Variants in MDN1 observed in about 807,000 individuals in gnomAD.
The protein encoded by MDN1 is midasin AAA ATPase 1, also known as midasin.
A neutral mutation model predicts 669.2 loss-of-function variants in MDN1; 266 were observed. The observed-to-expected ratio is 0.40, with a 90% CI of 0.36 to 0.44. MDN1 has a LOEUF of 0.44. Among genes scored for constraint, MDN1 ranks in the 20% least tolerant of loss-of-function variants. The pLI is 1.00. For synonymous variants in MDN1, 2,385 were observed against 2,457.1 expected (o/e 0.97, Z 0.87); for missense variants, 5,940 against 6,754.0 (o/e 0.88, Z 4.22).
intron 53 of MDN1, among the ~76,000 whole-genome samples, chr6:89,705,263 GT>G (rs539167817): frequency 2.1e-4 from 32 of 151,922 alleles, no homozygotes; most frequent in East Asian, 7.7e-4. Flanking sequence ...AAATTTATGG[GT>G]TTTTTTTATG....
intron 2 of MDN1, 57 bp from the exon 3 acceptor site, chr6:89,794,858 T>G: frequency 6.9e-7 from 1 of 1,453,018 alleles, no homozygotes; most frequent in Non-Finnish European, 9.6e-7. Context: ...ACTTAATTTT[T>G]CTGCTTTGTA....
intron 43 of MDN1, 122 bp from the exon 44 acceptor site, chr6:89,716,931 T>C (rs541545738): frequency 4.2e-4 from 466 of 1,105,866 alleles, no homozygotes; most frequent in Non-Finnish European, 5.5e-4. Flanking sequence ...AAAGAATAAA[T>C]AGAAGAATGT....
intron 13 of MDN1, 151 bp from the exon 14 acceptor site, chr6:89,772,872 AC>A (rs1818175318): frequency 1.2e-6 from 1 of 836,864 alleles, no homozygotes; most frequent in Non-Finnish European, 1.8e-6. Flanking sequence ...CTTACAACAT[AC>A]AAAAATTACA....
chr6:89,766,827 C>T (rs1341790955), intron 15 of MDN1, among the ~76,000 whole-genome samples: 1 of 152,184 alleles, frequency 6.6e-6, no homozygotes, highest in African/African-American at 2.4e-5. Context: ...CTCTTCTGGG[C>T]AGTTTCTTTT....
chr6:89,802,811 CTT>C (rs1222005085), intron 2 of MDN1, among the ~76,000 whole-genome samples: 3 of 152,300 alleles, frequency 2.0e-5, no homozygotes, highest in African/African-American at 7.2e-5. Context: ...TTTGCTGTCT[CTT>C]TTGATTATTC....
intron 60 of MDN1, among the ~76,000 whole-genome samples, 163 bp from the exon 61 acceptor site, chr6:89,696,155 A>G (rs1211677055): frequency 1.3e-5 from 2 of 152,084 alleles, no homozygotes; most frequent in African/African-American, 4.8e-5. Flanking sequence ...TACTAAGTTC[A>G]CCCTCTTGAT....
intron 12 of MDN1, among the ~76,000 whole-genome samples, chr6:89,775,712 G>A (rs983783720): frequency 6.6e-6 from 1 of 152,138 alleles, no homozygotes; most frequent in Non-Finnish European, 1.5e-5. Flanking sequence ...CAGAGAAAGA[G>A]TCTGGATCTG....
intron 35 of MDN1, 99 bp from the exon 36 acceptor site, chr6:89,729,238 A>T: frequency 1.1e-6 from 1 of 875,770 alleles, no homozygotes; most frequent in Non-Finnish European, 1.7e-6. Context: ...ATGGGTTATC[A>T]GTTAGTGAAA....
At position 89,748,055 on chromosome 6, in the gene MDN1, A is replaced by G. The variant is rs147187398; in HGVS notation, c.3763-585T>C. On this transcript the variant is annotated intron_variant, in intron 26 of 101. Coordinates refer to ENST00000369393, the MANE Select transcript of MDN1 (RefSeq NM_014611.3). The stretch of plus-strand genomic sequence containing the variant: ...GATTAATAGTAATGCAAATGGGCGC[A>G]GTGGCTCACACCTGTAATCCCAGCA... 4.8e-4 allele frequency among the ~76,000 whole-genome samples: 72 copies of G among 150,928 alleles called. No homozygotes were observed. In the East Asian group the frequency reaches 6.4e-3, roughly 13 times the overall value.
At chr6:89,809,611 A>C (rs1433925358) in intron 1 of MDN1, among the ~76,000 whole-genome samples, 1 of 151,796 alleles carries the variant, frequency 6.6e-6, no homozygotes, top group Non-Finnish European at 1.5e-5. Context: ...CCCCATCTCT[A>C]CTAAAGGCAC....
At chr6:89,659,981 G>A (rs886256006) in intron 88 of MDN1, among the ~76,000 whole-genome samples, 17 of 152,028 alleles carry the variant, frequency 1.1e-4, no homozygotes, top group Admixed American at 5.9e-4. Flanking sequence ...TCTGCCTCCC[G>A]GGTTCAAGCG....
At chr6:89,714,799 C>A in intron 45 of MDN1, 48 bp from the exon 46 acceptor site, 2 of 1,500,360 alleles carry the variant, frequency 1.3e-6, no homozygotes, top group South Asian at 1.2e-5. Context: ...AATCCCAGTG[C>A]AACCAAAGGT....
At chr6:89,796,352 A>C (rs1251544996) in intron 2 of MDN1, among the ~76,000 whole-genome samples, 2 of 133,666 alleles carry the variant, frequency 1.5e-5, no homozygotes, top group African/African-American at 2.7e-5. Flanking sequence ...AAAAAAAAAC[A>C]AAAAAAAAAA....
At chr6:89,801,521 C>G (rs369648270) in intron 2 of MDN1, among the ~76,000 whole-genome samples, 4 of 152,000 alleles carry the variant, frequency 2.6e-5, no homozygotes, top group Non-Finnish European at 5.9e-5. Context: ...TGTGGTGGCA[C>G]GCACCTGTAG....
At chr6:89,658,586 A>G in intron 89 of MDN1, 24 bp downstream of exon 89, 1 of 1,585,120 alleles carries the variant, frequency 6.3e-7, no homozygotes, top group Non-Finnish European at 8.6e-7. Context: ...TTTTTAACAT[A>G]AAAAGCCAGA....
chr6:89,764,402 C>T (rs892349652), intron 15 of MDN1, among the ~76,000 whole-genome samples: 6 of 151,938 alleles, frequency 3.9e-5, no homozygotes, highest in Admixed American at 2.6e-4. Flanking sequence ...CTCCAGAGTT[C>T]GACACCACCG....
At chr6:89,666,829 A>G (rs147773776) in intron 84 of MDN1, among the ~76,000 whole-genome samples, 1 of 152,310 alleles carries the variant, frequency 6.6e-6, no homozygotes, top group African/African-American at 2.4e-5. Flanking sequence ...ATCTTAGGTT[A>G]TTTCCATGTT....
intron 83 of MDN1, among the ~76,000 whole-genome samples, chr6:89,668,634 A>T (rs1446560731): frequency 1.3e-5 from 2 of 152,242 alleles, no homozygotes; most frequent in African/African-American, 4.8e-5. Flanking sequence ...TCAATCAGAA[A>T]GTTTAATTTT....
chr6:89,673,196 A>G (rs764855467), intron 80 of MDN1, 40 bp downstream of exon 80: 2 of 1,509,328 alleles, frequency 1.3e-6, no homozygotes, highest in East Asian at 4.5e-5. Flanking sequence ...CATCATTTCT[A>G]CACTGGACTT....
Sources: gnomAD v4.1 joint callset for allele counts (sites outside exome capture counted in the v4.1 genomes callset) on GRCh38, gnomAD v4.1.1 for gene constraint, MANE v1.5 for transcripts, NCBI Gene and HGNC (gene_info 2026-07-23, HGNC 2026-07-21) for gene names.